The following NAV3 variants were observed in gnomAD, a reference collection of about 807,000 sequenced individuals.
NAV3 encodes the protein neuron navigator 3, also known as pore membrane and/or filament interacting like protein 1.
In NAV3, 87 loss-of-function variants were observed where a neutral mutation model predicts 244.7. The observed-to-expected ratio is 0.36, with a 90% CI of 0.30 to 0.42. The LOEUF is 0.42. Ranked by LOEUF, NAV3 falls within the 20% of genes least tolerant of loss-of-function variation. The pLI is 1.00. For missense variants in NAV3, 2,663 were observed against 2,893.3 expected (o/e 0.92, Z 1.83); for synonymous variants, 1,126 against 1,042.2 (o/e 1.08, Z -1.55).
intron 25 of NAV3, among the ~76,000 whole-genome samples, chr12:78,175,876 G>T (rs1958200634): frequency 6.6e-6 from 1 of 151,706 alleles, no homozygotes; most frequent in African/African-American, 2.4e-5. Context: ...TGAAGGAAAA[G>T]TGAAAAAATG....
intron 1 of NAV3, among the ~76,000 whole-genome samples, chr12:77,874,179 C>G (rs1881504694): frequency 1.3e-5 from 2 of 151,944 alleles, no homozygotes; most frequent in Admixed American, 1.3e-4. Context: ...GGACTGCTGA[C>G]CTAGCCAACA....
chr12:78,019,305 T>C (rs370734129), intron 8 of NAV3, among the ~76,000 whole-genome samples: 3 of 152,114 alleles, frequency 2.0e-5, no homozygotes, highest in East Asian at 3.9e-4. Flanking sequence ...ATAATTTTGT[T>C]TTACCGTTGT....
At chr12:78,160,870 C>T (rs1957514871) in intron 23 of NAV3, among the ~76,000 whole-genome samples, 1 of 151,364 alleles carries the variant, frequency 6.6e-6, no homozygotes, top group Non-Finnish European at 1.5e-5. Context: ...TCCTTCCCTC[C>T]CTTCCTTCCT....
Position 77,968,417 on chromosome 12 carries a change from C to T in NAV3, c.488-102C>T, listed in dbSNP as rs1014371402. ...TGTGACTGAGAGAATTAAGTTGTAT[C>T]TCTGTCTTCATAGATTTATTTCAAG... On this transcript the variant is annotated intron_variant, in intron 4 of 39. Coordinates refer to ENST00000397909, the MANE Select transcript of NAV3 (RefSeq NM_001024383.2). The T allele has an allele frequency of 9.9e-6, 9 of 911,464 alleles. No homozygotes were observed. The African/African-American group carries it at 1.0e-4, about 10-fold the overall frequency. The allele number at this position is 911,464 out of a possible 1,614,324, so 56.5% of individuals were successfully genotyped here. A position where few individuals can be genotyped will look rare whatever the true frequency, so the allele number is the denominator to read the frequency against.
At chr12:77,962,882 T>C (rs1892154488) in intron 3 of NAV3, among the ~76,000 whole-genome samples, 1 of 152,176 alleles carries the variant, frequency 6.6e-6, no homozygotes, top group Non-Finnish European at 1.5e-5. Flanking sequence ...TGTATGTGCA[T>C]ATTGGGTTGT....
At chr12:78,039,112 A>G (rs1426804535) in intron 9 of NAV3, among the ~76,000 whole-genome samples, 1 of 152,138 alleles carries the variant, frequency 6.6e-6, no homozygotes, top group East Asian at 1.9e-4. Context: ...AGTAAGGGGA[A>G]GTTTATTCAA....
chr12:78,170,011 A>G (rs747912582), intron 24 of NAV3, among the ~76,000 whole-genome samples: 36 of 151,624 alleles, frequency 2.4e-4, no homozygotes, highest in South Asian at 4.1e-4. Context: ...TTATGATTCT[A>G]TGCATCCTAT....
intron 1 of NAV3, among the ~76,000 whole-genome samples, chr12:77,868,971 CT>C (rs1880519320): frequency 6.6e-6 from 1 of 151,946 alleles, no homozygotes; most frequent in African/African-American, 2.4e-5. Context: ...ACTTGGGAGG[CT>C]GAGACAGAAG....
At position 78,006,441 on chromosome 12, in the gene NAV3, G is replaced by A. The variant is rs200270333; in HGVS notation, c.903G>A (p.Ser301=). 2.4e-5 allele frequency: 39 copies of A among 1,613,576 alleles called. No homozygotes were observed. In the East Asian group the frequency reaches 6.2e-4, roughly 26 times the overall value. ...CAGATTCCTCCAAAGGACCTCAATC[G>A]TCTTCAGGTGTAAATGGTAACGTGC... ...NEKDSSKGPQ[S]SSGVNGNVQP... The change falls in exon 8 of 40, where the codon TCG becomes TCA. Residue 301 remains serine (S), a synonymous_variant. Transcript: ENST00000397909.
At chr12:77,889,032 G>A (rs1565892522) in intron 1 of NAV3, among the ~76,000 whole-genome samples, 1 of 152,168 alleles carries the variant, frequency 6.6e-6, no homozygotes, top group Non-Finnish European at 1.5e-5. Context: ...ATGATGGTTA[G>A]CATCCACCTT....
chr12:77,757,032 A>T (rs912006017), intron 2 of NAV3, among the ~76,000 whole-genome samples: 10 of 152,236 alleles, frequency 6.6e-5, no homozygotes, highest in Non-Finnish European at 1.5e-4. Flanking sequence ...TAGGTATAAC[A>T]GTAACAACCC....
chr12:77,798,822 A>C (rs1871556328), intron 2 of NAV3, among the ~76,000 whole-genome samples: 1 of 152,202 alleles, frequency 6.6e-6, no homozygotes, highest in Non-Finnish European at 1.5e-5. Flanking sequence ...TGAAGGCATT[A>C]ATAAAATGGA....
intron 7 of NAV3, among the ~76,000 whole-genome samples, chr12:78,002,114 T>G (rs1425025680): frequency 6.6e-6 from 1 of 152,240 alleles, no homozygotes; most frequent in South Asian, 2.1e-4. Context: ...ATCATTCTTT[T>G]GTTTTACAAA....
At chr12:77,666,244 A>C (rs1873712640) in intron 2 of NAV3, among the ~76,000 whole-genome samples, 1 of 148,274 alleles carries the variant, frequency 6.7e-6, no homozygotes, top group East Asian at 2.0e-4. Flanking sequence ...TCACTCATTA[A>C]TAATATCTCT....
rs12580290 is a variant in NAV3, at chr12:77,601,874, T to C, written c.72+29608T>C. ...ATGGATTTGAGAGCTTTTTCTCAGGTAGAATTGACAAGATTAATAAGTGAT... is the reference window on the plus strand; with the variant it reads ...ATGGATTTGAGAGCTTTTTCTCAGGCAGAATTGACAAGATTAATAAGTGAT... On this transcript the variant is annotated intron_variant, in intron 2 of 8. Coordinates refer to the NAV3 transcript ENST00000550042. Among the ~76,000 whole-genome samples the C allele has an allele frequency of 1.8e-3, 267 of 152,104 alleles. 7 individuals are homozygous for C. In the East Asian group the frequency reaches 0.033, roughly 19 times the overall value.
chr12:78,024,521 A>G (rs1199915251), intron 9 of NAV3, among the ~76,000 whole-genome samples: 2 of 152,200 alleles, frequency 1.3e-5, no homozygotes, highest in Admixed American at 6.5e-5. Context: ...TTCATGAACC[A>G]CTGTCATCAC....
intron 1 of NAV3, among the ~76,000 whole-genome samples, chr12:77,846,814 T>G (rs951503201): frequency 5.3e-5 from 8 of 152,212 alleles, no homozygotes; most frequent in Non-Finnish European, 1.5e-5. Flanking sequence ...AGAATGATTT[T>G]TTTTCAATGA....
rs144822383 is a variant in NAV3, at chr12:78,077,852, C to G, written c.2636+18737C>G. Among the ~76,000 whole-genome samples the G allele has an allele frequency of 5.3e-4, 81 of 152,280 alleles. 1 individual carries two copies. Among genetic ancestry groups the G allele is most frequent in the African/African-American group, 1.9e-3 (78 of 41,568 alleles). On this transcript the variant is annotated intron_variant, in intron 12 of 39. Transcript: ENST00000397909. ...ACCTGGAGGGCTGAGGCAGGAGAAT[C>G]GCTTGAACCTGGGAGGCGGAGGTTG...
chr12:77,632,355 C>T (rs977570961), intron 2 of NAV3, among the ~76,000 whole-genome samples: 4 of 152,260 alleles, frequency 2.6e-5, no homozygotes, highest in African/African-American at 9.6e-5. Flanking sequence ...GTTTAATGGA[C>T]TCAGAGTTCC....
Sources: allele counts gnomAD v4.1 joint callset (sites outside exome capture counted in the v4.1 genomes callset), GRCh38; gene constraint gnomAD v4.1.1; transcripts MANE v1.5; gene names NCBI Gene and HGNC (gene_info 2026-07-23, HGNC 2026-07-21).